CSMD1: variants seen among roughly 807,000 people sequenced by gnomAD.
The protein encoded by CSMD1 is CUB and sushi domain-containing protein 1.
A neutral mutation model predicts 417.5 loss-of-function variants in CSMD1; 213 were observed. That is an observed-to-expected ratio of 0.51 (90% CI 0.46 to 0.57). The LOEUF is 0.57. Among genes scored for constraint, CSMD1 ranks in the 20% least tolerant of loss-of-function variants. The pLI, the probability that CSMD1 is intolerant of heterozygous loss-of-function variation, is 0.00. For synonymous variants in CSMD1, 2,862 were observed against 1,736.8 expected (o/e 1.65, Z -16.11); for missense variants, 6,923 against 4,529.7 (o/e 1.53, Z -15.17).
rs752905725 is a variant in CSMD1, at chr8:3,162,202, T to C, written c.5801A>G (p.Asn1934Ser). The change falls in exon 38 of 70, where the codon AAC (asparagine) becomes AGC (serine). Residue 1934 changes from asparagine to serine, a missense_variant. Physicochemically the swap from Asn to Ser is conservative, Grantham distance 46. Transcript: ENST00000635120. ...SIKIGDRYMV[N>S]DVLSFQCEPG... ...CTCGCACTGGAAGGAGAGCACGTCG[T>C]TCACCATGTACCGATCTCCGATTTT... 6 of 1,611,070 alleles carry C rather than the reference T, an allele frequency of 3.7e-6. No homozygotes were observed. The African/African-American group carries it at 4.0e-5, about 11-fold the overall frequency.
chr8:3,244,376 C>T (rs1021053366), intron 26 of CSMD1, among the ~76,000 whole-genome samples: 1 of 152,116 alleles, frequency 6.6e-6, no homozygotes, highest in African/African-American at 2.4e-5. Context: ...TAGGACGTGT[C>T]CTCCCCCATT....
At chr8:4,890,665 T>C (rs1350313511) in intron 1 of CSMD1, among the ~76,000 whole-genome samples, 1 of 150,652 alleles carries the variant, frequency 6.6e-6, no homozygotes, top group African/African-American at 2.4e-5. Flanking sequence ...GATGAGAGCG[T>C]GTGACTCCGA....
chr8:4,015,286 G>A (rs770853413), intron 4 of CSMD1, among the ~76,000 whole-genome samples: 14 of 152,000 alleles, frequency 9.2e-5, no homozygotes, highest in African/African-American at 2.7e-4. Context: ...TTTAAATATC[G>A]CAGAATTTAT....
chr8:3,839,740 T>A (rs1308252947), intron 5 of CSMD1, among the ~76,000 whole-genome samples: 1 of 151,232 alleles, frequency 6.6e-6, no homozygotes, highest in Non-Finnish European at 1.5e-5. Flanking sequence ...CGCTTGCTGT[T>A]AAACCCATGA....
intron 3 of CSMD1, among the ~76,000 whole-genome samples, chr8:4,258,698 A>T (rs1585113110): frequency 6.6e-6 from 1 of 151,970 alleles, no homozygotes; most frequent in Non-Finnish European, 1.5e-5. Flanking sequence ...ACCTCCAAAT[A>T]CCATCACACT....
chr8:4,033,178 C>T (rs1306313641), intron 3 of CSMD1, among the ~76,000 whole-genome samples: 5 of 145,486 alleles, frequency 3.4e-5, no homozygotes, highest in South Asian at 2.2e-4. Context: ...CGGTAGCTCA[C>T]GCCTGTAGTC....
intron 15 of CSMD1, among the ~76,000 whole-genome samples, chr8:3,404,732 C>T (rs1488013521): frequency 1.3e-5 from 2 of 151,958 alleles, no homozygotes; most frequent in Non-Finnish European, 2.9e-5. Flanking sequence ...TAGTGTTTTA[C>T]AAAGTTATTA....
chr8:4,806,277 C>T (rs933398591), intron 1 of CSMD1, among the ~76,000 whole-genome samples: 5 of 152,276 alleles, frequency 3.3e-5, no homozygotes, highest in South Asian at 2.1e-4. Flanking sequence ...GGAGACCTGA[C>T]CCAAGTCCCG....
chr8:3,259,518 G>C (rs1360141922), intron 26 of CSMD1, among the ~76,000 whole-genome samples: 1 of 152,156 alleles, frequency 6.6e-6, no homozygotes, highest in East Asian at 1.9e-4. Context: ...GCTTTTCTTT[G>C]TCTGTAAGGG....
intron 11 of CSMD1, among the ~76,000 whole-genome samples, chr8:3,483,519 T>C (rs946902634): frequency 6.6e-6 from 1 of 152,094 alleles, no homozygotes; most frequent in African/African-American, 2.4e-5. Flanking sequence ...CAGACCCAGA[T>C]GGTTTCAATA....
chr8:3,224,213 C>A (rs1325780776), intron 27 of CSMD1, among the ~76,000 whole-genome samples: 1 of 152,146 alleles, frequency 6.6e-6, no homozygotes, highest in Non-Finnish European at 1.5e-5. Flanking sequence ...CACACATGTG[C>A]ACAAACAGAA....
intron 1 of CSMD1, among the ~76,000 whole-genome samples, chr8:4,801,303 C>G (rs1798269286): frequency 6.6e-6 from 1 of 152,036 alleles, no homozygotes; most frequent in Non-Finnish European, 1.5e-5. Flanking sequence ...TGAAGTATCA[C>G]AGACAAGGAG....
intron 3 of CSMD1, among the ~76,000 whole-genome samples, chr8:4,238,130 TA>T (rs1802177532): frequency 6.6e-6 from 1 of 152,308 alleles, no homozygotes; most frequent in South Asian, 2.1e-4. Context: ...GCCCCTGGCC[TA>T]AAAATGTCTG....
At chr8:4,665,779 G>C (rs868779299) in intron 1 of CSMD1, among the ~76,000 whole-genome samples, 1 of 152,064 alleles carries the variant, frequency 6.6e-6, no homozygotes, top group Non-Finnish European at 1.5e-5. Context: ...ATTTGTGTTT[G>C]TTTTCCATTT....
intron 2 of CSMD1, among the ~76,000 whole-genome samples, chr8:4,476,944 G>A (rs1432167353): frequency 6.6e-6 from 1 of 152,210 alleles, no homozygotes; most frequent in African/African-American, 2.4e-5. Flanking sequence ...AGGGAAGGTA[G>A]GTAAAGAAAA....
chr8:3,307,717 C>A lies in CSMD1; in HGVS notation c.3928G>T (p.Ala1310Ser), dbSNP rs1337036761. The change falls in exon 25 of 70, where the codon GCA (alanine) becomes TCA (serine). Residue 1310 changes from alanine to serine, a missense_variant. Physicochemically the swap from Ala to Ser is moderately conservative, Grantham distance 99. Coordinates refer to ENST00000635120, the MANE Select transcript of CSMD1 (RefSeq NM_033225.6). ...TACCTAATGGTCTTTCCTGGGTCTG[C>A]CTCTATAATCCAGGTGCAGTGGAGG... ...NNLHCTWIIE[A>S]DPGKTISLHF... 6.2e-7 allele frequency: 1 copy of A among 1,613,608 alleles called. No homozygotes were observed. The highest frequency in any genetic ancestry group is 1.7e-5 in the Admixed American group (1 of 59,990).
chr8:3,109,752 C>CACACACACACAACATACACA (rs1490703268), intron 43 of CSMD1, among the ~76,000 whole-genome samples: 4 of 151,706 alleles, frequency 2.6e-5, no homozygotes, highest in Non-Finnish European at 5.9e-5. Flanking sequence ...ACAACACGCA[C>CACACACACACAACATACACA]ACACACACAC....
At chr8:4,151,440 T>C (rs2131055716) in intron 3 of CSMD1, among the ~76,000 whole-genome samples, 1 of 152,340 alleles carries the variant, frequency 6.6e-6, no homozygotes, top group Non-Finnish European at 1.5e-5. Context: ...ACATTTGTAA[T>C]TGCAATAAGA....
intron 3 of CSMD1, among the ~76,000 whole-genome samples, chr8:4,171,152 C>T (rs1797742537): frequency 6.6e-6 from 1 of 151,858 alleles, no homozygotes; most frequent in Non-Finnish European, 1.5e-5. Flanking sequence ...TGCTTAGTGC[C>T]CATGCTGTTA....
Sources: gnomAD v4.1 joint callset for allele counts (sites outside exome capture counted in the v4.1 genomes callset) on GRCh38, gnomAD v4.1.1 for gene constraint, MANE v1.5 for transcripts, NCBI Gene and HGNC (gene_info 2026-07-23, HGNC 2026-07-21) for gene names.